The following TPO variants were observed in gnomAD, a reference collection of about 807,000 sequenced individuals.
TPO encodes the protein thyroid microsomal antigen.
Under a neutral mutation model 96.9 loss-of-function variants are expected in TPO, and 78 were observed. The observed-to-expected ratio is 0.81, with a 90% confidence interval of 0.67 to 0.97. The LOEUF is 0.97. Among genes scored for constraint, TPO ranks in the 50% least tolerant of loss-of-function variants. The probability of loss-of-function intolerance (pLI) is 0.00; values close to 1 mark genes in which losing one functional copy is unlikely to be tolerated. For synonymous variants in TPO, 547 were observed against 538.0 expected, an observed-to-expected ratio of 1.02 and a Z score of -0.23; for missense variants, 1,252 against 1,274.8, an observed-to-expected ratio of 0.98 and a Z score of 0.27.
chr2:1,436,486 C>T lies in TPO; in HGVS notation c.482+102C>T. 3 of 1,558,144 alleles carry T rather than the reference C, an allele frequency of 1.9e-6. No individual in the cohort carries two copies. The African/African-American group carries it at 4.1e-5, about 21-fold the overall frequency. On this transcript the variant is annotated intron_variant, in intron 5 of 16. Coordinates refer to ENST00000329066, the MANE Select transcript of TPO (RefSeq NM_001206744.2). ...TCTACCACCACTGGTGGATCTGTATCCACCCCTGAGCCCCTGGTTCCTGTC... is the reference window on the plus strand; with the variant it reads ...TCTACCACCACTGGTGGATCTGTATTCACCCCTGAGCCCCTGGTTCCTGTC...
In TPO at chr2:1,438,715, A is replaced by G. The variant is rs77913984; in HGVS notation, c.482+2331A>G. 8.9e-3 allele frequency: 5,980 copies of G among 675,658 alleles called. 283 individuals are homozygous for G. In the African/African-American group the frequency reaches 0.094, roughly 11 times the overall value. The allele number at this position is 675,658 out of a possible 1,614,324, so 41.9% of individuals were successfully genotyped here. A position where few individuals can be genotyped will look rare whatever the true frequency, so the allele number is the denominator to read the frequency against. On this transcript the variant is annotated intron_variant, in intron 5 of 16. Coordinates refer to ENST00000329066, the MANE Select transcript of TPO (RefSeq NM_001206744.2). ...GCTTGGGGAATCCCTGAGCAAAGCC[A>G]GTAGGCCTCACACATGATCTAAATC... is the stretch of plus-strand genomic sequence containing the variant.
At chr2:1,419,543 G>A (rs909519841) in intron 2 of TPO, among the ~76,000 whole-genome samples, 37 of 152,154 alleles carry the variant, frequency 2.4e-4, no homozygotes, top group African/African-American at 8.7e-4. Context: ...CCAACAGAAA[G>A]GACAGAAATT....
chr2:1,489,274 G>C (rs909775496), intron 10 of TPO, among the ~76,000 whole-genome samples: 1 of 147,124 alleles, frequency 6.8e-6, no homozygotes, highest in Admixed American at 6.8e-5. Context: ...ACCCACACAT[G>C]CCCAGCACAC....
At chr2:1,478,062 G>A (rs953986245) in intron 8 of TPO, 40 of 984,860 alleles carry the variant, frequency 4.1e-5, no homozygotes, top group Non-Finnish European at 4.6e-5. Flanking sequence ...GGGTGCTGGT[G>A]TTTTTGTATT....
chr2:1,486,044 T>A (rs1671131008), intron 9 of TPO, among the ~76,000 whole-genome samples: 1 of 152,228 alleles, frequency 6.6e-6, no homozygotes, highest in South Asian at 2.1e-4. Flanking sequence ...GTCTAACATT[T>A]AAGTCTTTAA....
chr2:1,460,850 G>A (rs1213455209), intron 7 of TPO, among the ~76,000 whole-genome samples: 1 of 152,020 alleles, frequency 6.6e-6, no homozygotes, highest in African/African-American at 2.4e-5. Flanking sequence ...CTGTGTAGTG[G>A]GGTGGGGGCT....
Position 1,494,505 on chromosome 2 carries a change from G to A in TPO, c.2006+466G>A, listed in dbSNP as rs28991276. Among the ~76,000 whole-genome samples, 1,189 of 152,298 alleles carry A rather than the reference G, an allele frequency of 7.8e-3. 13 individuals are homozygous for A. Among genetic ancestry groups the A allele is most frequent in the African/African-American group, 0.027 (1,138 of 41,560 alleles). ...CAGACCCCACCTACAGATAGCAGAT[G>A]GTTGCCGGTAGCAGAAAGCTGAGGT... On this transcript the variant is annotated intron_variant, in intron 11 of 16. Transcript: ENST00000329066.
intron 14 of TPO, among the ~76,000 whole-genome samples, chr2:1,505,029 A>G (rs1390705818): frequency 6.6e-6 from 1 of 152,174 alleles, no homozygotes; most frequent in African/African-American, 2.4e-5. Context: ...AGCTTCTGCT[A>G]AACTGGAATA....
At chr2:1,493,035 T>C (rs745391707) in intron 10 of TPO, among the ~76,000 whole-genome samples, 22 of 151,866 alleles carry the variant, frequency 1.4e-4, no homozygotes, top group Admixed American at 5.3e-4. Flanking sequence ...AGTCAGACCA[T>C]GGACGGGGGC....
intron 7 of TPO, among the ~76,000 whole-genome samples, chr2:1,475,745 C>T (rs1669862611): frequency 6.6e-6 from 1 of 152,218 alleles, no homozygotes; most frequent in African/African-American, 2.4e-5. Flanking sequence ...AGCCCCCGCG[C>T]CCGGCCGGAA....
At chr2:1,505,723 T>C (rs1190356433) in intron 14 of TPO, among the ~76,000 whole-genome samples, 1 of 151,954 alleles carries the variant, frequency 6.6e-6, no homozygotes, top group Non-Finnish European at 1.5e-5. Context: ...TCCTCTAAGT[T>C]CCTCCCCTCA....
chr2:1,455,227 C>T (rs191414179), intron 6 of TPO, among the ~76,000 whole-genome samples: 1 of 152,256 alleles, frequency 6.6e-6, no homozygotes, highest in Non-Finnish European at 1.5e-5. Context: ...ATCTCAAGGC[C>T]CTTAATGTAA....
rs753756344 is a variant in TPO at position 1,456,217 on chromosome 2, G to A, written c.754G>A (p.Ala252Thr). The change falls in exon 7 of 17, where the codon GCC (alanine) becomes ACC (threonine). Residue 252 changes from alanine to threonine, a missense_variant. By Grantham distance (58) the Ala-to-Thr change is moderately conservative (BLOSUM62 0). Coordinates refer to ENST00000329066, the MANE Select transcript of TPO (RefSeq NM_001206744.2). ...CACACCACAGAGCACCAGCAAAGCTGCCTTCGGGGGAGGGGCTGACTGCCA... is the reference window on the plus strand; with the variant it reads ...CACACCACAGAGCACCAGCAAAGCTACCTTCGGGGGAGGGGCTGACTGCCA... Reference protein sequence around the residue: ...AFTPQSTSKAAFGGGADCQMT... With the variant: ...AFTPQSTSKATFGGGADCQMT... 3 of 1,614,136 alleles carry A rather than the reference G, an allele frequency of 1.9e-6. No homozygotes were observed. Among genetic ancestry groups the A allele is most frequent in the South Asian group, 1.1e-5 (1 of 91,084 alleles).
At chr2:1,499,282 T>A (rs1359415105) in intron 13 of TPO, among the ~76,000 whole-genome samples, 1 of 152,190 alleles carries the variant, frequency 6.6e-6, no homozygotes, top group African/African-American at 2.4e-5. Flanking sequence ...ACGTTGCTCA[T>A]CTGTCTCCTA....
intron 6 of TPO, among the ~76,000 whole-genome samples, chr2:1,455,674 A>C (rs2148589850): frequency 6.6e-6 from 1 of 152,348 alleles, no homozygotes; most frequent in East Asian, 1.9e-4. Flanking sequence ...TTAGGCTTCA[A>C]GGCCAAGGAG....
chr2:1,531,039 A>G lies in TPO; in HGVS notation c.2619-9555A>G, dbSNP rs1430891978. ...TCACCCTATCTTTCCCACTGTGTGCAACCCCCCCAAATACCCCCACTATGT... is the reference window on the plus strand; with the variant it reads ...TCACCCTATCTTTCCCACTGTGTGCGACCCCCCCAAATACCCCCACTATGT... On this transcript the variant is annotated intron_variant, in intron 15 of 16. Coordinates refer to ENST00000329066, the MANE Select transcript of TPO (RefSeq NM_001206744.2). Among the ~76,000 whole-genome samples, 2 of 96,614 alleles carry G rather than the reference A, an allele frequency of 2.1e-5. 1 individual carries two copies. Among genetic ancestry groups the G allele is most frequent in the East Asian group, 6.9e-4 (2 of 2,894 alleles). 63.4% of individuals were successfully genotyped at this position (96,614 alleles called of 152,430 possible).
At chr2:1,419,205 G>A (rs954852739) in intron 2 of TPO, among the ~76,000 whole-genome samples, 4 of 152,082 alleles carry the variant, frequency 2.6e-5, no homozygotes, top group South Asian at 2.1e-4. Context: ...AGCAGCGGGC[G>A]GCTTCTCCAG....
chr2:1,496,709 G>T lies in TPO; in HGVS notation c.2330G>T (p.Arg777Leu), dbSNP rs150373711. The T allele has an allele frequency of 6.2e-7, 1 of 1,614,106 alleles. No individual in the cohort carries two copies. The highest frequency in any genetic ancestry group is 1.1e-5 in the South Asian group (1 of 91,074). The change falls in exon 13 of 17, where the codon CGG becomes CTG. Residue 777 changes from arginine (R) to leucine (L), a missense_variant. By Grantham distance (102) the Arg-to-Leu change is moderately radical. Transcript: ENST00000329066. ...SCRHGYELQG[R>L]EQLTCTQEGW... Reference sequence around the variant, plus strand: ...CGGCACGGGTATGAGCTCCAAGGCCGGGAGCAGCTCACTTGCACCCAGGAA... The same window carrying T: ...CGGCACGGGTATGAGCTCCAAGGCCTGGAGCAGCTCACTTGCACCCAGGAA...
intron 15 of TPO, among the ~76,000 whole-genome samples, chr2:1,517,423 T>C (rs546900201): frequency 2.4e-4 from 37 of 152,328 alleles, no homozygotes; most frequent in African/African-American, 8.9e-4. Flanking sequence ...ATGGCGCTGC[T>C]GTTGAAAGAC....
Sources: gnomAD v4.1 joint callset for allele counts (sites outside exome capture counted in the v4.1 genomes callset) on GRCh38, gnomAD v4.1.1 for gene constraint, MANE v1.5 for transcripts, NCBI Gene and HGNC (gene_info 2026-07-23, HGNC 2026-07-21) for gene names.